The following DCT variants were observed in gnomAD, a reference collection of about 807,000 sequenced individuals.
DCT encodes the protein dopachrome tautomerase.
In DCT, 47 loss-of-function variants were observed where a neutral mutation model predicts 53.0. The observed-to-expected ratio is 0.89, with a 90% CI of 0.70 to 1.13. DCT has a LOEUF of 1.13. Ranked by LOEUF, DCT falls within the 50% of genes most tolerant of loss-of-function variation. The pLI, the probability that DCT is intolerant of heterozygous loss-of-function variation, is 0.00. For synonymous variants in DCT, 244 were observed against 237.0 expected (o/e 1.03, Z -0.27); for missense variants, 669 against 637.4 (o/e 1.05, Z -0.53).
At chr13:94,514,412 G>C in the DCT span, among the ~76,000 whole-genome samples, 1 of 152,192 alleles carries the variant, frequency 6.6e-6, no homozygotes, top group Non-Finnish European at 1.5e-5. Context: ...AGGCTATACT[G>C]ACCATTGCAG....
At chr13:94,496,806 T>C in the DCT span, among the ~76,000 whole-genome samples, 1 of 152,136 alleles carries the variant, frequency 6.6e-6, no homozygotes, top group South Asian at 2.1e-4. Flanking sequence ...CAGAGCACCA[T>C]GGATATTCGG....
chr13:94,531,263 C>T, the DCT span, among the ~76,000 whole-genome samples: 3 of 152,308 alleles, frequency 2.0e-5, no homozygotes, highest in South Asian at 6.2e-4. Flanking sequence ...CTACCACGGA[C>T]TTTCTTCATA....
chr13:94,510,899 T>G, the DCT span, among the ~76,000 whole-genome samples: 2 of 152,188 alleles, frequency 1.3e-5, no homozygotes, highest in African/African-American at 4.8e-5. Flanking sequence ...TTCCTTCCAC[T>G]TCTCCACATC....
intron 6 of DCT, among the ~76,000 whole-genome samples, chr13:94,453,929 T>G (rs569222087): frequency 6.6e-6 from 1 of 152,220 alleles, no homozygotes; most frequent in Non-Finnish European, 1.5e-5. Context: ...CCTATCCTTC[T>G]TTTTTTAAAT....
At chr13:94,455,726 T>C (rs1166009342) in intron 6 of DCT, among the ~76,000 whole-genome samples, 2 of 152,290 alleles carry the variant, frequency 1.3e-5, no homozygotes, top group East Asian at 3.9e-4. Context: ...GGAGATACGG[T>C]TTAGCAATCC....
At chr13:94,460,528 C>T (rs1458871366) in intron 5 of DCT, among the ~76,000 whole-genome samples, 1 of 152,086 alleles carries the variant, frequency 6.6e-6, no homozygotes, top group Non-Finnish European at 1.5e-5. Flanking sequence ...ATATTTATTG[C>T]CAGGGTTCAG....
the DCT span, among the ~76,000 whole-genome samples, chr13:94,491,154 C>T: frequency 1.3e-5 from 2 of 152,170 alleles, no homozygotes; most frequent in African/African-American, 2.4e-5. Context: ...AAAGCTTCCA[C>T]AAACTGAGTG....
At position 94,457,764 on chromosome 13, in the gene DCT, C is replaced by T. The variant is rs370595185; in HGVS notation, c.1179+2327G>A. On this transcript the variant is annotated intron_variant, in intron 6 of 7. Transcript: ENST00000377028. ...GACACACAGACAGGGTTAAAATAGACGAGGGTGAGTTGCGTATCTGTAAAG... is the reference window on the plus strand; with the variant it reads ...GACACACAGACAGGGTTAAAATAGATGAGGGTGAGTTGCGTATCTGTAAAG... Among the ~76,000 whole-genome samples, 270 of 152,190 alleles carry T rather than the reference C, an allele frequency of 1.8e-3. 1 individual carries two copies. The South Asian group carries it at 0.02, about 11-fold the overall frequency.
At chr13:94,457,968 C>T (rs927114136) in intron 6 of DCT, among the ~76,000 whole-genome samples, 8 of 152,150 alleles carry the variant, frequency 5.3e-5, no homozygotes, top group African/African-American at 1.9e-4. Flanking sequence ...CGTAGAACAT[C>T]GACAGCAGAC....
the DCT span, among the ~76,000 whole-genome samples, chr13:94,534,489 T>G: frequency 6.6e-6 from 1 of 152,244 alleles, no homozygotes; most frequent in African/African-American, 2.4e-5. Flanking sequence ...ATTCATATAG[T>G]AATAAGTACA....
In DCT at chr13:94,438,264, A is replaced by G. The variant is rs1382785483; in HGVS notation, c.*1634T>C. Reference sequence around the variant, plus strand: ...TGCTGTATTTTCCATGAATATTGTTAATGGCAGGAACTGAGAGGTATCCAT... The same window carrying G: ...TGCTGTATTTTCCATGAATATTGTTGATGGCAGGAACTGAGAGGTATCCAT... On this transcript the variant is annotated 3_prime_UTR_variant, in exon 8 of 8. Transcript: ENST00000377028. 6.2e-6 allele frequency: 1 copy of G among 160,282 alleles called. No homozygotes were observed. Among genetic ancestry groups the G allele is most frequent in the Non-Finnish European group, 1.4e-5 (1 of 73,336 alleles). 9.9% of individuals were successfully genotyped at this position (160,282 alleles called of 1,614,324 possible).
rs761671625 is a variant in DCT at position 94,466,639 on chromosome 13, C to T, written c.615G>A (p.Arg205=). 6.2e-7 allele frequency: 1 copy of T among 1,606,960 alleles called. No individual in the cohort carries two copies. Among genetic ancestry groups the T allele is most frequent in the South Asian group, 1.1e-5 (1 of 89,456 alleles). Residue 205 remains arginine, a synonymous_variant, in exon 3 of 8, where the codon AGG becomes AGA. Coordinates refer to ENST00000377028, the MANE Select transcript of DCT (RefSeq NM_001922.5). ...GTCCTTGATGTGAGAAATCTATGGC[C>T]CTGTAGGGGCGTCCTGGTCCTGAAA... The part of the protein sequence containing the change: ...DTLLGPGRPY[R]AIDFSHQGPA...
At chr13:94,491,193 C>T in the DCT span, among the ~76,000 whole-genome samples, 1 of 152,178 alleles carries the variant, frequency 6.6e-6, no homozygotes, top group African/African-American at 2.4e-5. Flanking sequence ...TATCATCTCA[C>T]GGTCCTGGGG....
the DCT span, among the ~76,000 whole-genome samples, chr13:94,547,229 G>A: frequency 2.9e-3 from 434 of 151,884 alleles, 4 homozygotes; most frequent in African/African-American, 0.01. Flanking sequence ...GGATTCTCCT[G>A]CCTCAGCCTC....
the DCT span, among the ~76,000 whole-genome samples, chr13:94,497,543 A>C: frequency 1.3e-5 from 2 of 152,220 alleles, no homozygotes; most frequent in African/African-American, 4.8e-5. Flanking sequence ...CATATTTTAT[A>C]TGTATTAGGC....
chr13:94,459,923 C>G lies in DCT; in HGVS notation c.1179+168G>C, dbSNP rs558129093. Among the ~76,000 whole-genome samples the G allele has an allele frequency of 2.0e-5, 3 of 152,324 alleles. No individual in the cohort carries two copies. In the East Asian group the frequency reaches 5.8e-4, roughly 29 times the overall value. On this transcript the variant is annotated intron_variant, in intron 6 of 7. Transcript: ENST00000377028. ...AAGCATGGGTTCTGATTAGGGCCTT[C>G]AAATGCTACCTAACCATCCCTATGG...
chr13:94,442,865 T>A (rs1032567117), intron 7 of DCT, among the ~76,000 whole-genome samples: 1 of 152,228 alleles, frequency 6.6e-6, no homozygotes, highest in Non-Finnish European at 1.5e-5. Flanking sequence ...AAAATTTTGA[T>A]GATGTATTAT....
rs558179389 is a variant in DCT, at chr13:94,479,378, A to G, written c.-123T>C. The G allele has an allele frequency of 1.1e-6, 1 of 948,900 alleles. No homozygotes were observed. Among genetic ancestry groups the G allele is most frequent in the African/African-American group, 1.7e-5 (1 of 59,984 alleles). The allele number at this position is 948,900 out of a possible 1,614,324, so 58.8% of individuals were successfully genotyped here. Reference sequence around the variant, plus strand: ...TATTTTTTATTTTTCTTTGCTTTCTATTCCTTTCTTCTTAAAAAAATACCC... The same window carrying G: ...TATTTTTTATTTTTCTTTGCTTTCTGTTCCTTTCTTCTTAAAAAAATACCC... On this transcript the variant is annotated 5_prime_UTR_variant, in exon 1 of 8. The change abolishes the stop of an existing upstream ORF in the 5' untranslated region. Coordinates refer to ENST00000377028, the MANE Select transcript of DCT (RefSeq NM_001922.5).
At chr13:94,466,387 A>C (rs535098041) in intron 3 of DCT, among the ~76,000 whole-genome samples, 171 bp downstream of exon 3, 1 of 152,196 alleles carries the variant, frequency 6.6e-6, no homozygotes, top group African/African-American at 2.4e-5. Flanking sequence ...CACACACACA[A>C]AAAGAGATAT....
Sources: gnomAD v4.1 joint callset for allele counts (sites outside exome capture counted in the v4.1 genomes callset) on GRCh38, gnomAD v4.1.1 for gene constraint, MANE v1.5 for transcripts, NCBI Gene and HGNC (gene_info 2026-07-23, HGNC 2026-07-21) for gene names.